Variants in RTN4 observed in about 807,000 individuals in gnomAD.
The protein encoded by RTN4 is reticulon 4.
A neutral mutation model predicts 90.4 loss-of-function variants in RTN4; 32 were observed. The observed-to-expected ratio is 0.35, with a 90% CI of 0.27 to 0.48. The LOEUF is 0.48. Ranked by LOEUF, RTN4 falls within the 20% of genes least tolerant of loss-of-function variation. The pLI is 0.99. For missense variants in RTN4, 1,706 were observed against 1,430.2 expected (o/e 1.19, Z -3.11); for synonymous variants, 629 against 552.5 (o/e 1.14, Z -1.94).
At chr2:55,004,516 G>T (rs990780857) in intron 3 of RTN4, among the ~76,000 whole-genome samples, 1 of 152,142 alleles carries the variant, frequency 6.6e-6, no homozygotes, top group African/African-American at 2.4e-5. Flanking sequence ...TAAAAATTCT[G>T]AATCTACAGA....
chr2:55,090,428 A>G (rs567910808), intron 1 of RTN4, among the ~76,000 whole-genome samples: 1 of 152,226 alleles, frequency 6.6e-6, no homozygotes, highest in South Asian at 2.1e-4. Context: ...GCGTATGGAC[A>G]TAGAGAAAGT....
the RTN4 span, among the ~76,000 whole-genome samples, chr2:55,129,099 G>A: frequency 7.6e-6 from 1 of 130,794 alleles, no homozygotes; most frequent in Non-Finnish European, 1.6e-5. Flanking sequence ...GACAGAGCAA[G>A]ACTCCGTCTC....
chr2:55,020,837 CCT>C (rs1157166594), intron 3 of RTN4, among the ~76,000 whole-genome samples: 1 of 151,912 alleles, frequency 6.6e-6, no homozygotes, highest in African/African-American at 2.4e-5. Flanking sequence ...GGCAAGACCT[CCT>C]CTCTACAAAA....
intron 1 of RTN4, among the ~76,000 whole-genome samples, chr2:55,106,944 G>A (rs1351679016): frequency 1.3e-5 from 2 of 152,156 alleles, no homozygotes; most frequent in Admixed American, 1.3e-4. Context: ...ATCACCGTAA[G>A]TGTAAAATCA....
intron 2 of RTN4, among the ~76,000 whole-genome samples, chr2:55,062,710 C>T (rs902316186): frequency 6.6e-6 from 1 of 152,156 alleles, no homozygotes; most frequent in African/African-American, 2.4e-5. Context: ...AAGCTTTGTT[C>T]TTTCATGGAC....
intron 1 of RTN4, among the ~76,000 whole-genome samples, chr2:55,048,162 C>T (rs1210822792): frequency 6.6e-6 from 1 of 152,156 alleles, no homozygotes; most frequent in Non-Finnish European, 1.5e-5. Flanking sequence ...TAAAATAACA[C>T]TGTACAAAGG....
intron 3 of RTN4, among the ~76,000 whole-genome samples, chr2:55,021,218 CAT>C (rs754343827): frequency 6.6e-6 from 1 of 152,048 alleles, no homozygotes; most frequent in Non-Finnish European, 1.5e-5. Context: ...TATTTTGGTA[CAT>C]TTGACTTCAG....
At chr2:55,095,850 A>G (rs1340654148) in intron 1 of RTN4, among the ~76,000 whole-genome samples, 4 of 152,122 alleles carry the variant, frequency 2.6e-5, no homozygotes, top group Admixed American at 2.6e-4. Flanking sequence ...TTTGGCTCTA[A>G]CAGTTTCCTA....
intron 2 of RTN4, among the ~76,000 whole-genome samples, chr2:55,070,044 T>C (rs1668459262): frequency 6.6e-6 from 1 of 152,254 alleles, no homozygotes; most frequent in Non-Finnish European, 1.5e-5. Flanking sequence ...AGACTAATCA[T>C]AGGGCAAACT....
chr2:55,111,013 C>T (rs779852900), intron 1 of RTN4, among the ~76,000 whole-genome samples: 1 of 152,174 alleles, frequency 6.6e-6, no homozygotes, highest in African/African-American at 2.4e-5. Flanking sequence ...GGTACTCCAG[C>T]CGGGGCAACT....
intron 3 of RTN4, among the ~76,000 whole-genome samples, chr2:55,003,917 G>A (rs1680023919): frequency 6.6e-6 from 1 of 152,106 alleles, no homozygotes; most frequent in African/African-American, 2.4e-5. Context: ...GTAGGGGGAC[G>A]CGGGGTGGAG....
chr2:55,134,479 C>T, the RTN4 span, among the ~76,000 whole-genome samples: 1 of 152,204 alleles, frequency 6.6e-6, no homozygotes, highest in Non-Finnish European at 1.5e-5. Context: ...CACTCCATCT[C>T]TCAGAGGCTG....
intron 5 of RTN4, among the ~76,000 whole-genome samples, chr2:54,975,606 C>T (rs1677561330): frequency 1.3e-5 from 2 of 152,196 alleles, no homozygotes; most frequent in Non-Finnish European, 2.9e-5. Context: ...ATGTACACCA[C>T]CCACTCTTAG....
At chr2:55,054,342 G>C (rs142711100), upstream of RTN4, among the ~76,000 whole-genome samples, 1 of 152,236 alleles carries the variant, frequency 6.6e-6, no homozygotes, top group Non-Finnish European at 1.5e-5. Flanking sequence ...TTTAATAAGA[G>C]AAATATTTGT....
the RTN4 span, among the ~76,000 whole-genome samples, chr2:55,133,753 C>G: frequency 6.6e-6 from 1 of 152,190 alleles, no homozygotes; most frequent in Admixed American, 6.5e-5. Flanking sequence ...GGAGACCCAG[C>G]AGCCACACGG....
chr2:55,097,978 T>C (rs905411776), intron 1 of RTN4, among the ~76,000 whole-genome samples: 1 of 152,058 alleles, frequency 6.6e-6, no homozygotes, highest in Non-Finnish European at 1.5e-5. Context: ...CTCATCTTTC[T>C]CCTCTGTGCC....
At chr2:54,978,742 C>T (rs1485340662) in intron 5 of RTN4, among the ~76,000 whole-genome samples, 1 of 151,996 alleles carries the variant, frequency 6.6e-6, no homozygotes, top group African/African-American at 2.4e-5. Flanking sequence ...AAAGCTACTT[C>T]CTATAAATTT....
At chr2:55,121,192 G>C in the RTN4 span, among the ~76,000 whole-genome samples, 1 of 152,308 alleles carries the variant, frequency 6.6e-6, no homozygotes, top group East Asian at 1.9e-4. Flanking sequence ...ACTGGAAATA[G>C]ACCAATGAAT....
intron 1 of RTN4, among the ~76,000 whole-genome samples, chr2:55,038,796 G>A (rs572836378): frequency 6.6e-6 from 1 of 152,290 alleles, no homozygotes; most frequent in East Asian, 1.9e-4. Context: ...ATACAAAAAT[G>A]TCTATGTAAG....
Sources: allele counts gnomAD v4.1 joint callset (sites outside exome capture counted in the v4.1 genomes callset), GRCh38; gene constraint gnomAD v4.1.1; transcripts MANE v1.5; gene names NCBI Gene and HGNC (gene_info 2026-07-23, HGNC 2026-07-21).